KAZN: variants seen among roughly 807,000 people sequenced by gnomAD.
KAZN encodes the protein kazrin, periplakin interacting protein, also known as kazrin.
A neutral mutation model predicts 87.4 loss-of-function variants in KAZN; 40 were observed. The ratio of observed to expected loss-of-function variants is 0.46; its 90% CI spans 0.36 to 0.60. KAZN has a LOEUF of 0.60. KAZN is among the 20% of genes least tolerant of loss of function. The pLI, the probability that KAZN is intolerant of heterozygous loss-of-function variation, is 0.00. For missense variants in KAZN, 898 were observed against 1,073.9 expected (o/e 0.84, Z 2.29); for synonymous variants, 466 against 458.3 (o/e 1.02, Z -0.22).
chr1:14,109,165 G>T lies in KAZN; in HGVS notation c.92-71270G>T, dbSNP rs555057814. 2.6e-5 allele frequency among the ~76,000 whole-genome samples: 4 copies of T among 152,322 alleles called. No individual in the cohort carries two copies. The East Asian group carries it at 7.7e-4, about 29-fold the overall frequency. On this transcript the variant is annotated intron_variant, in intron 1 of 16. Coordinates refer to the KAZN transcript ENST00000636203. Reference sequence around the variant, plus strand: ...GATTGTGGTGTGATGACTTAAGAGTGAAATGGAGCCAAGGACAACATCTAG... The same window carrying T: ...GATTGTGGTGTGATGACTTAAGAGTTAAATGGAGCCAAGGACAACATCTAG...
At chr1:14,648,218 AG>A (rs1424838600) in intron 1 of KAZN, among the ~76,000 whole-genome samples, 5 of 152,230 alleles carry the variant, frequency 3.3e-5, no homozygotes, top group Non-Finnish European at 7.3e-5. Context: ...TACAGGGAGA[AG>A]GGAACACAGC....
At position 14,169,237 on chromosome 1, in the gene KAZN, T is replaced by A. The variant is rs903634228; in HGVS notation, c.92-11198T>A. On this transcript the variant is annotated intron_variant, in intron 1 of 16. Transcript: ENST00000636203. ...CCAAGGCCAAGAAAGAGGCTCTATC[T>A]CTGCTCTGTATTGCCCTCTGGGTCC... Among the ~76,000 whole-genome samples the A allele has an allele frequency of 3.3e-5, 5 of 152,188 alleles. No homozygotes were observed. In the East Asian group the frequency reaches 9.7e-4, roughly 29 times the overall value.
At position 15,001,731 on chromosome 1, in the gene KAZN, C is replaced by A. The variant is rs150683775; in HGVS notation, c.419-33018C>A. On this transcript the variant is annotated intron_variant, in intron 2 of 14. Coordinates refer to ENST00000376030, the MANE Select transcript of KAZN (RefSeq NM_201628.3). Reference sequence around the variant, plus strand: ...TCCTCGCCTGTGGGGTCGACCTCACCCAGAGGCAGTGTGTTCCCAAAATGT... The same window carrying A: ...TCCTCGCCTGTGGGGTCGACCTCACACAGAGGCAGTGTGTTCCCAAAATGT... 3.3e-5 allele frequency among the ~76,000 whole-genome samples: 5 copies of A among 152,170 alleles called. No homozygotes were observed. In the East Asian group the frequency reaches 9.7e-4, roughly 30 times the overall value.
At chr1:14,287,669 T>C (rs754301995) in intron 2 of KAZN, among the ~76,000 whole-genome samples, 11 of 152,240 alleles carry the variant, frequency 7.2e-5, no homozygotes, top group Non-Finnish European at 1.2e-4. Context: ...GAATACCCTT[T>C]ATTTCTTTCT....
chr1:14,973,780 TCATCATATCC>T (rs1176421871), intron 2 of KAZN, among the ~76,000 whole-genome samples: 2 of 152,144 alleles, frequency 1.3e-5, no homozygotes, highest in East Asian at 3.9e-4. Context: ...AAGAGAAACC[TCATCATATCC>T]CACAGCAGAA....
intron 1 of KAZN, among the ~76,000 whole-genome samples, chr1:14,920,009 T>C (rs1430571617): frequency 6.6e-6 from 1 of 152,192 alleles, no homozygotes; most frequent in Non-Finnish European, 1.5e-5. Context: ...CCTCTGTCCC[T>C]GTCCTTGTCA....
intron 1 of KAZN, among the ~76,000 whole-genome samples, chr1:14,115,347 A>G (rs1557487204): frequency 6.6e-6 from 1 of 152,226 alleles, no homozygotes; most frequent in Non-Finnish European, 1.5e-5. Flanking sequence ...CTCATCTTGA[A>G]TTCCCACATG....
intron 2 of KAZN, among the ~76,000 whole-genome samples, chr1:14,186,252 A>C (rs1481435529): frequency 6.6e-6 from 1 of 152,196 alleles, no homozygotes; most frequent in Non-Finnish European, 1.5e-5. Flanking sequence ...TGCTGGTCTA[A>C]TAAGTGATGG....
chr1:13,941,237 G>C (rs1050079552), intron 1 of KAZN, among the ~76,000 whole-genome samples: 3 of 152,046 alleles, frequency 2.0e-5, no homozygotes, highest in Admixed American at 2.0e-4. Context: ...AGGAGTAGGG[G>C]GGAATATCTG....
chr1:14,406,406 T>C (rs1663856741), intron 2 of KAZN, among the ~76,000 whole-genome samples: 1 of 152,168 alleles, frequency 6.6e-6, no homozygotes, highest in South Asian at 2.1e-4. Context: ...TGGATGAGAT[T>C]GGAGACTATT....
intron 2 of KAZN, among the ~76,000 whole-genome samples, chr1:14,527,079 C>A (rs1213340899): frequency 6.6e-6 from 1 of 152,136 alleles, no homozygotes; most frequent in African/African-American, 2.4e-5. Flanking sequence ...TGGATTAAAA[C>A]GATGTATTAT....
chr1:15,033,691 C>T (rs1314578546), intron 2 of KAZN, among the ~76,000 whole-genome samples: 1 of 152,166 alleles, frequency 6.6e-6, no homozygotes, highest in Non-Finnish European at 1.5e-5. Flanking sequence ...TTTCATGTCC[C>T]TATTGGCCAT....
At chr1:14,043,889 T>A (rs796494056) in intron 1 of KAZN, among the ~76,000 whole-genome samples, 13 of 152,258 alleles carry the variant, frequency 8.5e-5, no homozygotes, top group African/African-American at 3.1e-4. Flanking sequence ...TATCAGTGTA[T>A]AACAGAGCAC....
At chr1:14,848,011 A>G (rs1648986004) in intron 1 of KAZN, among the ~76,000 whole-genome samples, 1 of 152,224 alleles carries the variant, frequency 6.6e-6, no homozygotes, top group South Asian at 2.1e-4. Flanking sequence ...AACCTGGAAC[A>G]TAGAAGGTGC....
chr1:14,986,002 CAAAAAAAAAA>C (rs56725513), intron 2 of KAZN, among the ~76,000 whole-genome samples: 557 of 56,748 alleles, frequency 9.8e-3, no homozygotes, highest in Non-Finnish European at 0.014. Context: ...GACTCTGTCT[CAAAAAAAAAA>C]AAAAAAAAAA....
rs1673702189 is a variant in KAZN at position 14,553,915 on chromosome 1, A to G, written c.250-45068A>G. Reference sequence around the variant, plus strand: ...TTCCGGGCATTGGTATGTTTTAAAAAGCATCCCCCTGTGATTCTAATGTGT... The same window carrying G: ...TTCCGGGCATTGGTATGTTTTAAAAGGCATCCCCCTGTGATTCTAATGTGT... On this transcript the variant is annotated intron_variant, in intron 2 of 16. Transcript: ENST00000636203. Among the ~76,000 whole-genome samples the G allele has an allele frequency of 2.0e-5, 3 of 152,304 alleles. No homozygotes were observed. In the South Asian group the frequency reaches 6.2e-4, roughly 32 times the overall value.
At chr1:13,961,396 A>T (rs1641747519) in intron 1 of KAZN, among the ~76,000 whole-genome samples, 1 of 152,198 alleles carries the variant, frequency 6.6e-6, no homozygotes, top group African/African-American at 2.4e-5. Context: ...GGTGATCATA[A>T]ATGTCACAGA....
chr1:14,866,899 G>A (rs1434730615), intron 1 of KAZN, among the ~76,000 whole-genome samples: 1 of 152,208 alleles, frequency 6.6e-6, no homozygotes, highest in African/African-American at 2.4e-5. Context: ...GCTGTGGGGA[G>A]ACCCTGGTCT....
chr1:13,998,361 T>C (rs574264311), intron 1 of KAZN, among the ~76,000 whole-genome samples: 2 of 152,284 alleles, frequency 1.3e-5, no homozygotes, highest in African/African-American at 4.8e-5. Flanking sequence ...CAGGATCAAA[T>C]TCACACATAA....
Sources: allele counts gnomAD v4.1 joint callset (sites outside exome capture counted in the v4.1 genomes callset), GRCh38; gene constraint gnomAD v4.1.1; transcripts MANE v1.5; gene names NCBI Gene and HGNC (gene_info 2026-07-23, HGNC 2026-07-21).